The following CD53 variants were observed in gnomAD, a reference collection of about 807,000 sequenced individuals.
CD53 encodes CD53 molecule.
CD53 carries 20 observed loss-of-function variants against 27.3 expected under a neutral mutation model. That is an observed-to-expected ratio of 0.73 (90% CI 0.52 to 1.07). The LOEUF (loss-of-function observed/expected upper bound fraction) is 1.07, where lower values mean the gene tolerates loss of function less well. CD53 is among the 50% of genes least tolerant of loss of function. CD53 has a pLI of 0.00. For synonymous variants in CD53, 106 were observed against 105.3 expected, an observed-to-expected ratio of 1.01 and a Z score of -0.04; for missense variants, 216 against 264.0, an observed-to-expected ratio of 0.82 and a Z score of 1.26.
At chr1:110,898,857 G>A (rs1278838237) in intron 7 of CD53, among the ~76,000 whole-genome samples, 1 of 152,124 alleles carries the variant, frequency 6.6e-6, no homozygotes, top group East Asian at 1.9e-4. Flanking sequence ...GACCATCCTA[G>A]CAGCAAGGCT....
chr1:110,876,731 A>G (rs947703299), intron 1 of CD53, among the ~76,000 whole-genome samples: 3 of 152,168 alleles, frequency 2.0e-5, no homozygotes, highest in Non-Finnish European at 2.9e-5. Context: ...AATGATTTTG[A>G]GATGAGAATC....
upstream of CD53, among the ~76,000 whole-genome samples, chr1:110,872,363 G>A (rs191218760): frequency 5.9e-5 from 9 of 152,250 alleles, no homozygotes; most frequent in South Asian, 2.1e-4. Context: ...CTCTTTGAGC[G>A]CCTGTTTTCT....
At chr1:110,891,644 A>G (rs1656858564) in intron 2 of CD53, among the ~76,000 whole-genome samples, 173 bp downstream of exon 2, 1 of 152,194 alleles carries the variant, frequency 6.6e-6, no homozygotes, top group Non-Finnish European at 1.5e-5. Context: ...CCTGCCACAG[A>G]ATAAACCTGC....
intron 3 of CD53, 80 bp from the exon 4 acceptor site, chr1:110,894,247 C>T: frequency 8.1e-7 from 1 of 1,239,770 alleles, no homozygotes. Flanking sequence ...GTGCAAATGC[C>T]CCTGGATGCT....
At chr1:110,896,827 T>A in intron 6 of CD53, 94 bp downstream of exon 6, 1 of 1,051,630 alleles carries the variant, frequency 9.5e-7, no homozygotes, top group Non-Finnish European at 1.4e-6. Flanking sequence ...AGACCTTCTA[T>A]TGAGAAACAG....
intron 1 of CD53, among the ~76,000 whole-genome samples, chr1:110,886,869 A>ATATATTTTTTTT (rs1298376721): frequency 1.1e-3 from 91 of 82,778 alleles, no homozygotes; most frequent in South Asian, 2.6e-3. Context: ...ATATATATAT[A>ATATATTTTTTTT]TTTTTTTTTT....
At chr1:110,878,885 C>A (rs893452424) in intron 1 of CD53, among the ~76,000 whole-genome samples, 1 of 152,134 alleles carries the variant, frequency 6.6e-6, no homozygotes, top group African/African-American at 2.4e-5. Flanking sequence ...AAACGCTTTT[C>A]TTCACTGAAA....
chr1:110,899,609 A>G lies in CD53; in HGVS notation c.*414A>G, dbSNP rs1234214736. On this transcript the variant is annotated 3_prime_UTR_variant, in exon 8 of 8. Transcript: ENST00000271324. Reference sequence around the variant, plus strand: ...GTCAAGCAAGAGACTAGTTGAAGGGAGTTCTGGGGCCAGGCTCACTGGACC... The same window carrying G: ...GTCAAGCAAGAGACTAGTTGAAGGGGGTTCTGGGGCCAGGCTCACTGGACC... 1 of 170,518 alleles carries G rather than the reference A, an allele frequency of 5.9e-6. No individual in the cohort carries two copies. The highest frequency in any genetic ancestry group is 1.8e-4 in the East Asian group (1 of 5,504). The allele number at this position is 170,518 out of a possible 1,614,324, so 10.6% of individuals were successfully genotyped here.
At chr1:110,885,916 G>T (rs1334724228) in intron 1 of CD53, among the ~76,000 whole-genome samples, 1 of 152,028 alleles carries the variant, frequency 6.6e-6, no homozygotes, top group African/African-American at 2.4e-5. Context: ...AAGAAAAAAA[G>T]TATTGCGCAT....
intron 1 of CD53, among the ~76,000 whole-genome samples, chr1:110,885,991 G>A (rs1426318058): frequency 6.6e-6 from 1 of 152,058 alleles, no homozygotes; most frequent in Admixed American, 6.5e-5. Context: ...GTTCCATCTG[G>A]TCTCATTTTT....
chr1:110,893,942 C>T (rs909326575), intron 3 of CD53, among the ~76,000 whole-genome samples: 3 of 152,226 alleles, frequency 2.0e-5, no homozygotes, highest in African/African-American at 7.2e-5. Flanking sequence ...CAGTCCTCCA[C>T]CCAGAGGTAT....
intron 1 of CD53, among the ~76,000 whole-genome samples, chr1:110,883,998 G>A (rs1329343359): frequency 6.6e-6 from 1 of 151,800 alleles, no homozygotes; most frequent in East Asian, 1.9e-4. Context: ...TTTTAAAATT[G>A]TTCTTCTGTT....
chr1:110,887,356 GC>G (rs1157445638), intron 1 of CD53, among the ~76,000 whole-genome samples: 2 of 152,112 alleles, frequency 1.3e-5, no homozygotes, highest in African/African-American at 4.8e-5. Flanking sequence ...GAGCCACCGC[GC>G]CCAGCCTATT....
At chr1:110,895,155 G>T in intron 5 of CD53, 100 bp downstream of exon 5, 1 of 846,756 alleles carries the variant, frequency 1.2e-6, no homozygotes, top group Non-Finnish European at 2.0e-6. Flanking sequence ...CAGAATCTAA[G>T]GTCCACATCC....
chr1:110,891,534 C>T (rs531846735), intron 2 of CD53, 63 bp downstream of exon 2: 1 of 1,291,134 alleles, frequency 7.7e-7, no homozygotes, highest in African/African-American at 1.5e-5. Context: ...CTCCTCATTC[C>T]TCTACTGAAG....
At chr1:110,871,754 A>T (rs1026551461), upstream of CD53, among the ~76,000 whole-genome samples, 14 of 151,508 alleles carry the variant, frequency 9.2e-5, no homozygotes, top group Admixed American at 6.6e-4. Flanking sequence ...AGGTGCAGAG[A>T]CTTTTTAATA....
At chr1:110,890,708 GA>G (rs990808856) in intron 1 of CD53, among the ~76,000 whole-genome samples, 2 of 152,224 alleles carry the variant, frequency 1.3e-5, no homozygotes, top group Admixed American at 1.3e-4. Flanking sequence ...TATTCTAGTT[GA>G]AAAAAATAAA....
intron 4 of CD53, 104 bp downstream of exon 4, chr1:110,894,505 G>C: frequency 1.1e-6 from 1 of 893,900 alleles, no homozygotes; most frequent in Non-Finnish European, 1.8e-6. Context: ...AATAGAGATA[G>C]AAATGAAGTG....
At chr1:110,884,378 A>G (rs1047322459) in intron 1 of CD53, among the ~76,000 whole-genome samples, 5 of 152,068 alleles carry the variant, frequency 3.3e-5, no homozygotes, top group Admixed American at 2.0e-4. Flanking sequence ...AACTTGATTT[A>G]TGGTCCAGAA....
Sources: gnomAD v4.1 joint callset for allele counts (sites outside exome capture counted in the v4.1 genomes callset) on GRCh38, gnomAD v4.1.1 for gene constraint, MANE v1.5 for transcripts, NCBI Gene and HGNC (gene_info 2026-07-23, HGNC 2026-07-21) for gene names.